The following SYTL2 variants were observed in gnomAD, a reference collection of about 807,000 sequenced individuals.
SYTL2 encodes the protein synaptotagmin like 2.
In SYTL2, 165 loss-of-function variants were observed where a neutral mutation model predicts 198.7. The observed-to-expected ratio is 0.83, with a 90% CI of 0.73 to 0.94. SYTL2 has a LOEUF of 0.94. Among genes scored for constraint, SYTL2 ranks in the 40% least tolerant of loss-of-function variants. The pLI, the probability that SYTL2 is intolerant of heterozygous loss-of-function variation, is 0.00. For missense variants in SYTL2, 2,835 were observed against 2,582.8 expected, an observed-to-expected ratio of 1.10 and a Z score of -2.12; for synonymous variants, 966 against 917.7, an observed-to-expected ratio of 1.05 and a Z score of -0.95.
At chr11:85,749,980 G>A (rs184818449) in intron 2 of SYTL2, among the ~76,000 whole-genome samples, 1 of 152,258 alleles carries the variant, frequency 6.6e-6, no homozygotes, top group East Asian at 1.9e-4. Context: ...CACCTAAAAA[G>A]GCTTCAGGTT....
intron 1 of SYTL2, among the ~76,000 whole-genome samples, chr11:85,790,515 G>C (rs1403968544): frequency 1.3e-5 from 2 of 152,180 alleles, no homozygotes; most frequent in African/African-American, 4.8e-5. Context: ...TAAGAGAAGA[G>C]GTGAGGAGAA....
chr11:85,722,031 C>T (rs374846779), intron 8 of SYTL2, among the ~76,000 whole-genome samples: 2 of 152,160 alleles, frequency 1.3e-5, no homozygotes, highest in African/African-American at 4.8e-5. Context: ...ATTTTTCACC[C>T]CACCCCCACT....
chr11:85,831,109 G>T, the SYTL2 span, among the ~76,000 whole-genome samples: 1 of 152,174 alleles, frequency 6.6e-6, no homozygotes, highest in Non-Finnish European at 1.5e-5. Context: ...GATTGTTGCT[G>T]CCTTAACAAT....
chr11:85,748,479 C>T (rs1333779620), intron 2 of SYTL2, 56 bp from the exon 3 acceptor site: 1 of 1,554,400 alleles, frequency 6.4e-7, no homozygotes, highest in Non-Finnish European at 8.8e-7. Context: ...TAAATGAGTT[C>T]ATTATGACAC....
intron 7 of SYTL2, among the ~76,000 whole-genome samples, chr11:85,733,165 C>T (rs11234393): frequency 0.038 from 5,717 of 152,196 alleles, 174 homozygotes; most frequent in East Asian, 0.099. Context: ...GTCTAGTTTC[C>T]CATCCTTTGA....
At chr11:85,786,434 A>G (rs1184943958) in intron 1 of SYTL2, among the ~76,000 whole-genome samples, 1 of 152,254 alleles carries the variant, frequency 6.6e-6, no homozygotes, top group Non-Finnish European at 1.5e-5. Context: ...GTCTATGCCA[A>G]TATCTGAGTT....
intron 1 of SYTL2, among the ~76,000 whole-genome samples, chr11:85,759,706 A>AC (rs1457562773): frequency 2.6e-5 from 4 of 152,098 alleles, no homozygotes; most frequent in African/African-American, 9.7e-5. Flanking sequence ...CTTTGTTTTA[A>AC]TTTCCTCTAG....
chr11:85,848,609 T>C, the SYTL2 span, among the ~76,000 whole-genome samples: 4 of 152,252 alleles, frequency 2.6e-5, no homozygotes, highest in Non-Finnish European at 5.9e-5. Context: ...ATCCTATATG[T>C]ACAAGTATGT....
At chr11:85,740,892 G>A (rs970007886) in intron 4 of SYTL2, among the ~76,000 whole-genome samples, 2 of 152,202 alleles carry the variant, frequency 1.3e-5, no homozygotes, top group African/African-American at 2.4e-5. Context: ...ATCAGGAAGG[G>A]CCACTGGGGG....
At chr11:85,771,348 G>A (rs772110005) in intron 1 of SYTL2, among the ~76,000 whole-genome samples, 7 of 152,172 alleles carry the variant, frequency 4.6e-5, no homozygotes, top group Non-Finnish European at 7.3e-5. Flanking sequence ...CCTGTCTTTG[G>A]TTAATTAACG....
At chr11:85,816,663 A>G in the SYTL2 span, among the ~76,000 whole-genome samples, 65 of 152,330 alleles carry the variant, frequency 4.3e-4, 2 homozygotes, top group South Asian at 0.013. Context: ...TAATACCAAC[A>G]CTTTGGGACG....
chr11:85,733,946 G>A lies in SYTL2; in HGVS notation c.1383C>T (p.Ser461=), dbSNP rs969932941. ...LTRLESVLPR[S]PADELSHCVE... is the part of the protein sequence containing the mutation. ...TAGTGACAACTCTCTTACCAGCAGG[G>A]CTTCTGGGTAATACAGATTCAAGCC... The change falls in exon 7 of 20, where the codon AGC becomes AGT. Residue 461 remains serine (S), a synonymous_variant. Transcript: ENST00000359152. 6.2e-7 allele frequency: 1 copy of A among 1,613,616 alleles called. No individual in the cohort carries two copies.
intron 1 of SYTL2, among the ~76,000 whole-genome samples, chr11:85,761,034 CACTT>C (rs1299854549): frequency 2.0e-5 from 3 of 152,328 alleles, no homozygotes; most frequent in Admixed American, 1.3e-4. Context: ...TTCCCTCACT[CACTT>C]GACAAAGATT....
chr11:85,715,384 G>A (rs1366186057), intron 11 of SYTL2, among the ~76,000 whole-genome samples: 2 of 151,950 alleles, frequency 1.3e-5, no homozygotes, highest in Non-Finnish European at 2.9e-5. Context: ...CACAGAGTAA[G>A]CTCTATATAA....
the SYTL2 span, among the ~76,000 whole-genome samples, chr11:85,839,471 G>C: frequency 6.6e-6 from 1 of 152,158 alleles, no homozygotes; most frequent in Admixed American, 6.5e-5. Flanking sequence ...GGGAGGTGGG[G>C]ATGGTTGAAC....
At chr11:85,721,958 C>T (rs946091924) in intron 8 of SYTL2, among the ~76,000 whole-genome samples, 2 of 152,040 alleles carry the variant, frequency 1.3e-5, no homozygotes, top group African/African-American at 4.8e-5. Context: ...AGAGCTCAGC[C>T]GCAAGTCAAA....
At position 85,734,546 on chromosome 11, in the gene SYTL2, T is replaced by C. The variant is rs1339762121; in HGVS notation, c.783A>G (p.Thr261=). The C allele has an allele frequency of 6.2e-7, 1 of 1,614,114 alleles. No individual in the cohort carries two copies. The highest frequency in any genetic ancestry group is 8.5e-7 in the Non-Finnish European group (1 of 1,180,040). ...GAGCCCCTCTCGCTTTCAGGGAGTC[T>C]GTCCTTTGTCTAGGAAAAGACTGGT... ...DDNQSFPRQR[T]DSLKARGAPR... Residue 261 remains threonine (T), a synonymous_variant, in exon 7 of 20, where the codon ACA becomes ACG. Coordinates refer to ENST00000359152, the MANE Select transcript of SYTL2 (RefSeq NM_206927.4).
chr11:85,738,987 G>T (rs2153503672), intron 4 of SYTL2, among the ~76,000 whole-genome samples: 1 of 152,216 alleles, frequency 6.6e-6, no homozygotes, highest in South Asian at 2.1e-4. Context: ...AAATCATGTA[G>T]TCCCTACCTC....
At chr11:85,774,419 A>G (rs546675248) in intron 1 of SYTL2, among the ~76,000 whole-genome samples, 1 of 152,238 alleles carries the variant, frequency 6.6e-6, no homozygotes, top group African/African-American at 2.4e-5. Flanking sequence ...CCTAGCTCCA[A>G]AGTTCTGACA....
Sources: gnomAD v4.1 joint callset for allele counts (sites outside exome capture counted in the v4.1 genomes callset) on GRCh38, gnomAD v4.1.1 for gene constraint, MANE v1.5 for transcripts, NCBI Gene and HGNC (gene_info 2026-07-23, HGNC 2026-07-21) for gene names.